CRPPA: variants seen among roughly 807,000 people sequenced by gnomAD.
The protein encoded by CRPPA is CDP-L-ribitol pyrophosphorylase A, also known as D-ribitol-5-phosphate cytidylyltransferase.
A neutral mutation model predicts 52.0 loss-of-function variants in CRPPA; 43 were observed. The observed-to-expected ratio is 0.83, with a 90% CI of 0.65 to 1.07. The LOEUF (loss-of-function observed/expected upper bound fraction) is 1.07. Ranked by LOEUF, CRPPA falls within the 50% of genes least tolerant of loss-of-function variation. CRPPA has a pLI of 0.00. For missense variants in CRPPA, 629 were observed against 551.7 expected (o/e 1.14, Z -1.40); for synonymous variants, 250 against 203.5 (o/e 1.23, Z -1.94).
intron 8 of CRPPA, among the ~76,000 whole-genome samples, chr7:16,244,474 A>T (rs1367204797): frequency 6.6e-6 from 1 of 152,222 alleles, no homozygotes; most frequent in Non-Finnish European, 1.5e-5. Flanking sequence ...TGAATGACAG[A>T]TACCAGGGAA....
Position 16,166,285 on chromosome 7 carries a change from C to CTT in CRPPA, c.1251+49779_1251+49780dup, listed in dbSNP as rs202117761. The stretch of plus-strand genomic sequence containing the variant: ...CCTAACACTACTGGTACAGCCTAAA[C>CTT]TTTTTTTTTTTTGAGATAGAGTCTT... On this transcript the variant is annotated intron_variant, in intron 9 of 9. Coordinates refer to ENST00000407010, the MANE Select transcript of CRPPA (RefSeq NM_001101426.4). 5.4e-5 allele frequency among the ~76,000 whole-genome samples: 8 copies of CTT among 146,992 alleles called. No homozygotes were observed. In the East Asian group the frequency reaches 5.9e-4, roughly 11 times the overall value.
At position 16,220,857 on chromosome 7, in the gene CRPPA, C is replaced by T. The variant is rs540076498; in HGVS notation, c.1120-4660G>A. On this transcript the variant is annotated intron_variant, in intron 8 of 9. Coordinates refer to ENST00000407010, the MANE Select transcript of CRPPA (RefSeq NM_001101426.4). Reference sequence around the variant, plus strand: ...GTAGGAAGAATCAAAATCGTGAAAACGGCCATACTGCCCAAGGTAATTTAC... The same window carrying T: ...GTAGGAAGAATCAAAATCGTGAAAATGGCCATACTGCCCAAGGTAATTTAC... Among the ~76,000 whole-genome samples the T allele has an allele frequency of 2.5e-3, 377 of 152,184 alleles. 1 individual carries two copies. The highest frequency in any genetic ancestry group is 7.7e-3 in the African/African-American group (320 of 41,516).
At chr7:16,227,471 C>A (rs1282177130) in intron 8 of CRPPA, among the ~76,000 whole-genome samples, 2 of 151,808 alleles carry the variant, frequency 1.3e-5, no homozygotes, top group Admixed American at 6.6e-5. Context: ...GTGATTTACA[C>A]TTCCCTGATG....
chr7:16,268,239 C>T (rs996000971), intron 6 of CRPPA, among the ~76,000 whole-genome samples: 1 of 151,792 alleles, frequency 6.6e-6, no homozygotes, highest in African/African-American at 2.4e-5. Context: ...TCTCAACAAC[C>T]TCCATTTTCC....
At chr7:16,297,510 T>G (rs897326504) in intron 5 of CRPPA, among the ~76,000 whole-genome samples, 1 of 152,198 alleles carries the variant, frequency 6.6e-6, no homozygotes, top group Non-Finnish European at 1.5e-5. Flanking sequence ...TAGCCTATTA[T>G]GCAATTCAAT....
intron 5 of CRPPA, among the ~76,000 whole-genome samples, chr7:16,294,022 C>G (rs1027803816): frequency 1.3e-5 from 2 of 151,918 alleles, no homozygotes; most frequent in Non-Finnish European, 2.9e-5. Flanking sequence ...GTCATTTTTT[C>G]TAATTCAACT....
chr7:16,286,946 T>C (rs1784463965), intron 5 of CRPPA, among the ~76,000 whole-genome samples: 1 of 152,150 alleles, frequency 6.6e-6, no homozygotes, highest in Non-Finnish European at 1.5e-5. Context: ...ATCTATGCAT[T>C]ATGCACCAAA....
intron 9 of CRPPA, among the ~76,000 whole-genome samples, chr7:16,202,154 T>C (rs1274442674): frequency 6.6e-6 from 1 of 152,208 alleles, no homozygotes; most frequent in Non-Finnish European, 1.5e-5. Flanking sequence ...GTTGAATTTT[T>C]AATAATAAAC....
intron 9 of CRPPA, among the ~76,000 whole-genome samples, chr7:16,142,254 A>C (rs1191927570): frequency 1.3e-5 from 2 of 152,162 alleles, no homozygotes; most frequent in Non-Finnish European, 2.9e-5. Context: ...TTTGTTACAT[A>C]GGTAAACTTG....
chr7:16,117,238 C>T (rs1782393344), intron 9 of CRPPA, among the ~76,000 whole-genome samples: 1 of 152,156 alleles, frequency 6.6e-6, no homozygotes, highest in Non-Finnish European at 1.5e-5. Context: ...CCACTGTGAG[C>T]TGGTTTTCAT....
chr7:16,192,037 T>A (rs561196368), intron 9 of CRPPA, among the ~76,000 whole-genome samples: 1 of 152,246 alleles, frequency 6.6e-6, no homozygotes, highest in South Asian at 2.1e-4. Context: ...TCTTGGTGTT[T>A]CTGATCTTTC....
At chr7:16,231,379 T>A (rs1583450713) in intron 8 of CRPPA, among the ~76,000 whole-genome samples, 1 of 152,298 alleles carries the variant, frequency 6.6e-6, no homozygotes, top group East Asian at 1.9e-4. Flanking sequence ...AATCCTGCTT[T>A]GTCATCTTGT....
intron 9 of CRPPA, 117 bp downstream of exon 9, chr7:16,215,949 A>T: frequency 1.2e-6 from 1 of 801,808 alleles, no homozygotes; most frequent in Non-Finnish European, 1.9e-6. Flanking sequence ...ATAGATGAGT[A>T]ACTTTCCAGC....
chr7:16,341,714 T>C (rs2704677), intron 3 of CRPPA, among the ~76,000 whole-genome samples: 71,450 of 151,976 alleles, frequency 0.47, 17,012 homozygotes, highest in African/African-American at 0.54. Flanking sequence ...GGATATTATG[T>C]CTACCACTTC....
intron 9 of CRPPA, among the ~76,000 whole-genome samples, chr7:16,149,911 G>C (rs1418852179): frequency 6.6e-6 from 1 of 151,568 alleles, no homozygotes; most frequent in Non-Finnish European, 1.5e-5. Flanking sequence ...GATTGAACTC[G>C]GGAGGCGGAA....
intron 9 of CRPPA, among the ~76,000 whole-genome samples, chr7:16,170,582 T>G (rs1781159669): frequency 6.6e-6 from 1 of 152,154 alleles, no homozygotes; most frequent in Non-Finnish European, 1.5e-5. Context: ...CCTTTCACAG[T>G]GTGGAAGAGA....
intron 5 of CRPPA, among the ~76,000 whole-genome samples, chr7:16,288,990 C>T (rs1018913784): frequency 6.7e-6 from 1 of 150,244 alleles, no homozygotes; most frequent in East Asian, 2.0e-4. Context: ...AAAAAAAGAG[C>T]CACCAAATAA....
intron 5 of CRPPA, among the ~76,000 whole-genome samples, chr7:16,285,865 CA>C (rs1284418357): frequency 2.0e-5 from 3 of 149,618 alleles, no homozygotes; most frequent in Non-Finnish European, 4.5e-5. Context: ...ACTAAACATA[CA>C]AAAAATTAGC....
At chr7:16,286,043 A>ATATATATATATATATATAT (rs1207582924) in intron 5 of CRPPA, among the ~76,000 whole-genome samples, 2 of 6,468 alleles carry the variant, frequency 3.1e-4, no homozygotes, top group Admixed American at 2.3e-3. Context: ...AAAAAAATAT[A>ATATATATATATATATATAT]AATATATATA....
Sources: gnomAD v4.1 joint callset for allele counts (sites outside exome capture counted in the v4.1 genomes callset) on GRCh38, gnomAD v4.1.1 for gene constraint, MANE v1.5 for transcripts, NCBI Gene and HGNC (gene_info 2026-07-23, HGNC 2026-07-21) for gene names.